Variants in GPD2 observed in about 807,000 individuals in gnomAD.
GPD2 encodes glycerol-3-phosphate dehydrogenase 2.
In GPD2, 54 loss-of-function variants were observed where a neutral mutation model predicts 82.4. The ratio of observed to expected loss-of-function variants is 0.66; its 90% CI spans 0.53 to 0.82. The LOEUF is 0.82. Ranked by LOEUF, GPD2 falls within the 40% of genes least tolerant of loss-of-function variation. The pLI, the probability that GPD2 is intolerant of heterozygous loss-of-function variation, is 0.00. For missense variants in GPD2, 748 were observed against 896.2 expected (o/e 0.83, Z 2.11); for synonymous variants, 288 against 306.1 (o/e 0.94, Z 0.62).
At chr2:156,530,600 G>T (rs1361490296) in intron 6 of GPD2, among the ~76,000 whole-genome samples, 1 of 151,512 alleles carries the variant, frequency 6.6e-6, no homozygotes, top group African/African-American at 2.4e-5. Context: ...TTTGAAATAC[G>T]TTCCATCAAT....
At chr2:156,451,512 G>C (rs1387821550) in intron 1 of GPD2, among the ~76,000 whole-genome samples, 5 of 24,024 alleles carry the variant, frequency 2.1e-4, no homozygotes, top group African/African-American at 4.5e-4. Flanking sequence ...CTGGCCGAGC[G>C]GGGGGGCTGA....
intron 1 of GPD2, among the ~76,000 whole-genome samples, chr2:156,461,161 CTTTTTTTTTTTTTTT>C (rs70987039): frequency 9.4e-6 from 1 of 106,472 alleles, no homozygotes; most frequent in African/African-American, 3.4e-5. Flanking sequence ...CTCTCTATCT[CTTTTTTTTTTTTTTT>C]TTTTTTTTTT....
intron 6 of GPD2, among the ~76,000 whole-genome samples, chr2:156,524,466 G>A (rs1251987603): frequency 6.6e-6 from 1 of 152,144 alleles, no homozygotes; most frequent in East Asian, 1.9e-4. Context: ...CCTGTTTGGT[G>A]CCTGGACTTG....
chr2:156,528,906 A>C (rs1685722148), intron 6 of GPD2, among the ~76,000 whole-genome samples: 1 of 152,178 alleles, frequency 6.6e-6, no homozygotes, highest in Admixed American at 6.5e-5. Flanking sequence ...CATAGTGTGC[A>C]TGTGTCTTTA....
chr2:156,411,081 T>C, the GPD2 span, among the ~76,000 whole-genome samples: 1 of 152,178 alleles, frequency 6.6e-6, no homozygotes, highest in Admixed American at 6.5e-5. Context: ...AAACTAGATG[T>C]TGTCTAACTT....
At chr2:156,453,577 G>A (rs1259642438) in intron 1 of GPD2, among the ~76,000 whole-genome samples, 2 of 152,158 alleles carry the variant, frequency 1.3e-5, no homozygotes, top group African/African-American at 4.8e-5. Flanking sequence ...AGGAATTGGA[G>A]CCTTCATGTA....
chr2:156,458,942 A>G (rs1459339175), intron 1 of GPD2, among the ~76,000 whole-genome samples: 1 of 152,100 alleles, frequency 6.6e-6, no homozygotes, highest in Non-Finnish European at 1.5e-5. Context: ...ATTTTGGGGT[A>G]TATTCGTCTA....
chr2:156,563,476 T>A lies in GPD2; in HGVS notation c.1166-5349T>A, dbSNP rs1162898514. ...AGTTAAAGTGGGTGATGGTCATTTATTAATCTTGACTGTAACCTGTATGGT... is the reference window on the plus strand; with the variant it reads ...AGTTAAAGTGGGTGATGGTCATTTAATAATCTTGACTGTAACCTGTATGGT... On this transcript the variant is annotated intron_variant, in intron 9 of 16. Coordinates refer to ENST00000438166, the MANE Select transcript of GPD2 (RefSeq NM_000408.5). Among the ~76,000 whole-genome samples the A allele has an allele frequency of 2.6e-5, 4 of 152,300 alleles. No individual in the cohort carries two copies. In the East Asian group the frequency reaches 5.8e-4, roughly 22 times the overall value.
At chr2:156,529,332 A>G (rs1285968064) in intron 6 of GPD2, among the ~76,000 whole-genome samples, 1 of 142,496 alleles carries the variant, frequency 7.0e-6, no homozygotes, top group Non-Finnish European at 1.5e-5. Flanking sequence ...TAGATTCTGG[A>G]TATTAGCCCT....
chr2:156,485,743 A>G (rs1238652174), intron 2 of GPD2, among the ~76,000 whole-genome samples: 1 of 152,200 alleles, frequency 6.6e-6, no homozygotes, highest in East Asian at 1.9e-4. Flanking sequence ...CTGCCATGCT[A>G]TAGGGGTCTC....
chr2:156,563,829 A>G (rs773014126), intron 9 of GPD2, among the ~76,000 whole-genome samples: 24 of 152,256 alleles, frequency 1.6e-4, no homozygotes, highest in Non-Finnish European at 2.2e-4. Flanking sequence ...GCTCTGTGCT[A>G]TATGATAGCC....
chr2:156,532,442 T>C (rs1303657494), intron 6 of GPD2, among the ~76,000 whole-genome samples: 1 of 152,240 alleles, frequency 6.6e-6, no homozygotes, highest in East Asian at 1.9e-4. Flanking sequence ...ACTTTTTCTC[T>C]TCTCCCCATG....
chr2:156,513,631 A>T (rs1685087903), intron 6 of GPD2, 135 bp downstream of exon 6: 1 of 714,398 alleles, frequency 1.4e-6, no homozygotes, highest in Admixed American at 2.3e-5. Context: ...ACGTGCACGC[A>T]CATATTCACC....
intron 6 of GPD2, among the ~76,000 whole-genome samples, chr2:156,532,289 G>T (rs1391049463): frequency 1.3e-5 from 2 of 152,176 alleles, no homozygotes; most frequent in African/African-American, 4.8e-5. Flanking sequence ...TTACAGATGT[G>T]AGCCACTGCA....
chr2:156,583,278 G>A lies in GPD2; in HGVS notation c.*360G>A. The A allele has an allele frequency of 3.2e-6, 1 of 311,982 alleles. No individual in the cohort carries two copies. The highest frequency in any genetic ancestry group is 6.3e-6 in the Non-Finnish European group (1 of 159,842). 19.3% of individuals were successfully genotyped at this position (311,982 alleles called of 1,614,324 possible). ...ATTTTGGCAAAAATTGAAAAAAGCT[G>A]GAGACATTTTGTGACATGCATACAG... On this transcript the variant is annotated 3_prime_UTR_variant, in exon 17 of 17. Transcript: ENST00000438166.
chr2:156,446,875 A>G (rs1436511780), intron 1 of GPD2, among the ~76,000 whole-genome samples: 1 of 152,176 alleles, frequency 6.6e-6, no homozygotes, highest in Non-Finnish European at 1.5e-5. Context: ...TTATTCTGAG[A>G]GAATTGAAAT....
At chr2:156,545,885 T>C (rs1003181064) in intron 6 of GPD2, among the ~76,000 whole-genome samples, 11 of 152,236 alleles carry the variant, frequency 7.2e-5, no homozygotes, top group African/African-American at 2.7e-4. Flanking sequence ...GGCCTATCTT[T>C]TAGACAGTTA....
intron 6 of GPD2, among the ~76,000 whole-genome samples, chr2:156,517,768 C>G (rs1417265484): frequency 6.6e-6 from 1 of 151,784 alleles, no homozygotes; most frequent in Non-Finnish European, 1.5e-5. Context: ...TTTTTTTCCT[C>G]TATTTGTTCC....
intron 1 of GPD2, among the ~76,000 whole-genome samples, chr2:156,473,908 A>G (rs1683416153): frequency 6.6e-6 from 1 of 152,026 alleles, no homozygotes; most frequent in Non-Finnish European, 1.5e-5. Flanking sequence ...GCCCCTAGCC[A>G]GCATACACCA....
Sources: gnomAD v4.1 joint callset for allele counts (sites outside exome capture counted in the v4.1 genomes callset) on GRCh38, gnomAD v4.1.1 for gene constraint, MANE v1.5 for transcripts, NCBI Gene and HGNC (gene_info 2026-07-23, HGNC 2026-07-21) for gene names.